The following TMPRSS9 variants were observed in gnomAD, a reference collection of about 807,000 sequenced individuals.
The protein encoded by TMPRSS9 is transmembrane protease serine 9.
In TMPRSS9, 113 loss-of-function variants were observed where a neutral mutation model predicts 111.4. The ratio of observed to expected loss-of-function variants is 1.01; its 90% CI spans 0.87 to 1.19. The LOEUF (loss-of-function observed/expected upper bound fraction) is 1.19. TMPRSS9 is among the 50% of genes most tolerant of loss of function. TMPRSS9 has a pLI of 0.00. For synonymous variants in TMPRSS9, 805 were observed against 659.1 expected, an observed-to-expected ratio of 1.22 and a Z score of -3.39; for missense variants, 1,803 against 1,513.1, an observed-to-expected ratio of 1.19 and a Z score of -3.18.
At chr19:2,379,765 CTCTT>C (rs1167549952) in intron 1 of TMPRSS9, among the ~76,000 whole-genome samples, 1 of 135,016 alleles carries the variant, frequency 7.4e-6, no homozygotes, top group Non-Finnish European at 1.5e-5. Flanking sequence ...TCTCTTTTCT[CTCTT>C]TCTTTCTCTC....
At chr19:2,411,104 A>G (rs1046814622) in intron 9 of TMPRSS9, among the ~76,000 whole-genome samples, 2 of 151,736 alleles carry the variant, frequency 1.3e-5, no homozygotes, top group African/African-American at 4.8e-5. Flanking sequence ...GTTTGAGACC[A>G]GCCTGAGCAA....
intron 1 of TMPRSS9, among the ~76,000 whole-genome samples, chr19:2,391,237 CAAAAAAAAAA>C (rs10650164): frequency 9.4e-5 from 5 of 53,050 alleles, no homozygotes; most frequent in African/African-American, 4.5e-4. Flanking sequence ...AATTCCATCT[CAAAAAAAAAA>C]AAAAAAAAAA....
chr19:2,391,021 AAGAAAGAAAGAAAGGGAGGG>A (rs1439953540), intron 1 of TMPRSS9, among the ~76,000 whole-genome samples: 1 of 127,054 alleles, frequency 7.9e-6, no homozygotes, highest in Non-Finnish European at 1.7e-5. Context: ...ACAAGAAAGA[AAGAAAGAAAGAAAGGGAGGG>A]AGGGAGGGAG....
chr19:2,378,387 A>G (rs1460544033), intron 1 of TMPRSS9, among the ~76,000 whole-genome samples: 1 of 152,148 alleles, frequency 6.6e-6, no homozygotes, highest in African/African-American at 2.4e-5. Flanking sequence ...GTAAGTGTTG[A>G]CGGGACACTG....
chr19:2,414,738 G>T (rs1348115894), intron 10 of TMPRSS9, among the ~76,000 whole-genome samples: 1 of 150,888 alleles, frequency 6.6e-6, no homozygotes, highest in East Asian at 2.1e-4. Flanking sequence ...ATGGTGGAGG[G>T]CACCTGTAAT....
chr19:2,386,401 A>G (rs904218756), upstream of TMPRSS9, among the ~76,000 whole-genome samples: 3 of 151,430 alleles, frequency 2.0e-5, no homozygotes, highest in African/African-American at 7.3e-5. Context: ...GCTACTTGGG[A>G]GGCTGAGGCA....
chr19:2,368,168 A>G (rs1046172236), intron 1 of TMPRSS9, among the ~76,000 whole-genome samples: 1 of 152,160 alleles, frequency 6.6e-6, no homozygotes, highest in Non-Finnish European at 1.5e-5. Flanking sequence ...AGGCTACGGA[A>G]CGGAGAGACT....
At chr19:2,363,805 CGTGCGCGCGTGTGTGTGT>C (rs1186179288) in intron 1 of TMPRSS9, among the ~76,000 whole-genome samples, 2 of 105,696 alleles carry the variant, frequency 1.9e-5, no homozygotes, top group Non-Finnish European at 3.9e-5. Flanking sequence ...TGTGTGTGTG[CGTGCGCGCGTGTGTGTGT>C]GAGAGAGAGA....
chr19:2,389,310 A>G (rs1039684776), upstream of TMPRSS9, among the ~76,000 whole-genome samples: 1 of 150,676 alleles, frequency 6.6e-6, no homozygotes, highest in African/African-American at 2.4e-5. Flanking sequence ...CTTGACCTCA[A>G]GTGATTCACC....
intron 13 of TMPRSS9, among the ~76,000 whole-genome samples, chr19:2,421,218 T>G (rs1447538993): frequency 1.3e-5 from 2 of 151,726 alleles, no homozygotes; most frequent in Admixed American, 1.3e-4. Context: ...AGAAAAGAAA[T>G]AAGCTTGGCA....
exon 8 of TMPRSS9, chr19:2,408,382 C>T: frequency 6.2e-7 from 1 of 1,613,748 alleles, no homozygotes; most frequent in Non-Finnish European, 8.5e-7. Context: ...AAGTGGGTGG[C>T]CTACGTGGGT....
At chr19:2,378,774 C>G (rs1970358165) in intron 1 of TMPRSS9, among the ~76,000 whole-genome samples, 1 of 152,136 alleles carries the variant, frequency 6.6e-6, no homozygotes, top group Non-Finnish European at 1.5e-5. Flanking sequence ...TTTTAATTGA[C>G]TCACAGTTCA....
At chr19:2,374,199 C>T (rs1033654901) in intron 1 of TMPRSS9, among the ~76,000 whole-genome samples, 7 of 145,820 alleles carry the variant, frequency 4.8e-5, no homozygotes, top group Non-Finnish European at 9.0e-5. Flanking sequence ...CAAGGAGAGG[C>T]TCAAAGTCCT....
chr19:2,418,671 T>C (rs866692340), intron 13 of TMPRSS9, among the ~76,000 whole-genome samples: 5 of 1,250 alleles, frequency 4.0e-3, no homozygotes, highest in African/African-American at 8.2e-3. Flanking sequence ...ACCTTTCCTT[T>C]CCTTCCCTCC....
chr19:2,401,899 C>G (rs564092076), intron 4 of TMPRSS9, 76 bp from the exon 6 acceptor site: 1 of 1,393,802 alleles, frequency 7.2e-7, no homozygotes, highest in Non-Finnish European at 9.8e-7. Flanking sequence ...TGAGCCACCG[C>G]GCCCGGCCAA....
chr19:2,424,536 C>CA (rs1302648406), intron 15 of TMPRSS9, among the ~76,000 whole-genome samples: 1 of 138,408 alleles, frequency 7.2e-6, no homozygotes, highest in Non-Finnish European at 1.6e-5. Context: ...AAGCTGCGGC[C>CA]CCCCCCCTCC....
chr19:2,415,350 C>T (rs552512071), intron 10 of TMPRSS9, among the ~76,000 whole-genome samples: 4 of 152,264 alleles, frequency 2.6e-5, no homozygotes, highest in Admixed American at 2.0e-4. Context: ...GAGTGCAGCC[C>T]CGTCTTTGCA....
intron 14 of TMPRSS9, among the ~76,000 whole-genome samples, chr19:2,422,598 C>T (rs1052135302): frequency 2.0e-5 from 3 of 151,098 alleles, no homozygotes; most frequent in Non-Finnish European, 4.4e-5. Flanking sequence ...ACATAACGGC[C>T]TCTCTGGCTG....
chr19:2,401,768 C>T (rs1322243807), intron 4 of TMPRSS9, among the ~76,000 whole-genome samples: 2 of 151,500 alleles, frequency 1.3e-5, no homozygotes, highest in African/African-American at 2.4e-5. Context: ...GCACCACACC[C>T]GTCTAATTTT....
Sources: allele counts gnomAD v4.1 joint callset (sites outside exome capture counted in the v4.1 genomes callset), GRCh38; gene constraint gnomAD v4.1.1; transcripts MANE v1.5; gene names NCBI Gene and HGNC (gene_info 2026-07-23, HGNC 2026-07-21).